ADGRL4: variants seen among roughly 807,000 people sequenced by gnomAD.
ADGRL4 encodes EGF, latrophilin and seven transmembrane domain containing 1.
Under a neutral mutation model 74.8 loss-of-function variants are expected in ADGRL4, and 90 were observed. That is an observed-to-expected ratio of 1.20 (90% CI 1.02 to 1.43). The LOEUF is 1.43. Among genes scored for constraint, ADGRL4 ranks in the 40% most tolerant of loss-of-function variants. The pLI, the probability that ADGRL4 is intolerant of heterozygous loss-of-function variation, is 0.00. For synonymous variants in ADGRL4, 311 were observed against 279.2 expected, an observed-to-expected ratio of 1.11 and a Z score of -1.14; for missense variants, 881 against 814.3, an observed-to-expected ratio of 1.08 and a Z score of -1.00.
chr1:78,950,301 A>C (rs1271553888), intron 2 of ADGRL4, among the ~76,000 whole-genome samples: 7 of 152,112 alleles, frequency 4.6e-5, no homozygotes, highest in Non-Finnish European at 1.0e-4. Flanking sequence ...CGTAATTTAG[A>C]GGAGGATTGT....
At position 79,001,283 on chromosome 1, in the gene ADGRL4, G is replaced by A. The variant is rs1195188033; in HGVS notation, c.172+3787C>T. Among the ~76,000 whole-genome samples, 3 of 151,628 alleles carry A rather than the reference G, an allele frequency of 2.0e-5. No individual in the cohort carries two copies. The East Asian group carries it at 5.8e-4, about 30-fold the overall frequency. On this transcript the variant is annotated intron_variant, in intron 2 of 14. Transcript: ENST00000370742. ...GAATGAATTATGAATGCTGGTCCGG[G>A]TACTACTCAACTCAATTGACTACTC...
intron 12 of ADGRL4, 142 bp from the exon 13 acceptor site, chr1:78,893,331 A>G: frequency 1.6e-6 from 1 of 623,144 alleles, no homozygotes; most frequent in Admixed American, 3.5e-5. Flanking sequence ...ATCACTGAAA[A>G]TTATCAGTAC....
intron 3 of ADGRL4, among the ~76,000 whole-genome samples, chr1:78,943,151 A>T (rs1434401487): frequency 6.6e-6 from 1 of 152,194 alleles, no homozygotes; most frequent in Non-Finnish European, 1.5e-5. Context: ...TTTCAAAGAC[A>T]AAATTTAATA....
intron 3 of ADGRL4, among the ~76,000 whole-genome samples, chr1:78,940,502 C>T (rs1330543832): frequency 1.3e-5 from 2 of 152,068 alleles, no homozygotes; most frequent in Non-Finnish European, 2.9e-5. Flanking sequence ...TTACTTACTA[C>T]AGTGAAATAT....
intron 2 of ADGRL4, among the ~76,000 whole-genome samples, chr1:78,967,957 C>T (rs573590113): frequency 6.1e-4 from 93 of 151,922 alleles, no homozygotes; most frequent in African/African-American, 2.1e-3. Context: ...TTTCTTGACA[C>T]CTGGCTTTTC....
At chr1:78,932,745 A>T (rs1037608302) in intron 7 of ADGRL4, among the ~76,000 whole-genome samples, 3 of 151,400 alleles carry the variant, frequency 2.0e-5, no homozygotes, top group African/African-American at 2.5e-5. Context: ...GGGGGATATC[A>T]CCACTGACCC....
chr1:78,936,016 C>G (rs1324909199), intron 7 of ADGRL4, among the ~76,000 whole-genome samples: 1 of 73,926 alleles, frequency 1.4e-5, no homozygotes, highest in Admixed American at 1.6e-4. Context: ...CCCAGCTACT[C>G]GGGAGGCTGA....
chr1:78,963,439 G>A (rs12047963), intron 2 of ADGRL4, among the ~76,000 whole-genome samples: 1 of 151,990 alleles, frequency 6.6e-6, no homozygotes, highest in Non-Finnish European at 1.5e-5. Flanking sequence ...GTATTCTCAC[G>A]CCCAGTATGC....
intron 10 of ADGRL4, among the ~76,000 whole-genome samples, chr1:78,919,703 T>C (rs945523073): frequency 5.3e-5 from 8 of 151,904 alleles, no homozygotes; most frequent in African/African-American, 1.9e-4. Flanking sequence ...CAATACAATA[T>C]GAAACCTTTT....
At chr1:78,891,336 T>C in intron 14 of ADGRL4, 120 bp from the exon 15 acceptor site, 1 of 1,253,366 alleles carries the variant, frequency 8.0e-7, no homozygotes, top group Non-Finnish European at 1.1e-6. Context: ...TCAGAATATG[T>C]CCATTTAAGT....
At chr1:78,916,966 C>A (rs1648885077) in intron 12 of ADGRL4, among the ~76,000 whole-genome samples, 1 of 151,760 alleles carries the variant, frequency 6.6e-6, no homozygotes, top group Non-Finnish European at 1.5e-5. Flanking sequence ...ATAATGCCTG[C>A]CAAATTTGTA....
At position 78,941,207 on chromosome 1, in the gene ADGRL4, C is replaced by T. The variant is rs557134394; in HGVS notation, c.326-1949G>A. On this transcript the variant is annotated intron_variant, in intron 3 of 14. Transcript: ENST00000370742. The stretch of plus-strand genomic sequence containing the variant: ...ACAAGTGACCTTGGGATATGGAGAA[C>T]CATCAAGGAAAGCATTCTAGGCTGG... Among the ~76,000 whole-genome samples, 4 of 152,224 alleles carry T rather than the reference C, an allele frequency of 2.6e-5. No individual in the cohort carries two copies. The East Asian group carries it at 7.7e-4, about 29-fold the overall frequency.
At chr1:78,915,736 A>C (rs1025654779) in intron 12 of ADGRL4, among the ~76,000 whole-genome samples, 1 of 151,850 alleles carries the variant, frequency 6.6e-6, no homozygotes, top group Non-Finnish European at 1.5e-5. Flanking sequence ...TTATCTTTGA[A>C]CTAGCTACTA....
intron 2 of ADGRL4, among the ~76,000 whole-genome samples, chr1:78,979,207 A>G (rs1027249979): frequency 6.6e-6 from 1 of 151,974 alleles, no homozygotes; most frequent in African/African-American, 2.4e-5. Flanking sequence ...TATTCCTAAA[A>G]TGAAAATGTC....
At chr1:78,929,708 T>A (rs116364505) in intron 7 of ADGRL4, among the ~76,000 whole-genome samples, 2,024 of 151,628 alleles carry the variant, frequency 0.013, 131 homozygotes, top group African/African-American at 0.047. Flanking sequence ...GATACAACCT[T>A]GAGAAAAACA....
intron 2 of ADGRL4, among the ~76,000 whole-genome samples, chr1:78,974,583 G>A (rs929825267): frequency 6.6e-6 from 1 of 152,130 alleles, no homozygotes; most frequent in Non-Finnish European, 1.5e-5. Flanking sequence ...TTATCATACA[G>A]ATTTAGACGT....
intron 2 of ADGRL4, among the ~76,000 whole-genome samples, chr1:78,983,715 T>A: frequency 6.6e-6 from 1 of 151,772 alleles, no homozygotes; most frequent in East Asian, 1.9e-4. Flanking sequence ...TGTTCAAATT[T>A]GGGGAATACA....
intron 9 of ADGRL4, 149 bp downstream of exon 9, chr1:78,921,464 G>C (rs1648997483): frequency 2.4e-6 from 1 of 422,938 alleles, no homozygotes; most frequent in East Asian, 3.6e-5. Context: ...CAGACAGAAA[G>C]AAAGATCCTG....
chr1:78,982,696 A>G (rs1007236874), intron 2 of ADGRL4, among the ~76,000 whole-genome samples: 2 of 151,890 alleles, frequency 1.3e-5, no homozygotes, highest in African/African-American at 4.8e-5. Context: ...AAATAAATGT[A>G]CTCTTAGAAG....
Sources: allele counts gnomAD v4.1 joint callset (sites outside exome capture counted in the v4.1 genomes callset), GRCh38; gene constraint gnomAD v4.1.1; transcripts MANE v1.5; gene names NCBI Gene and HGNC (gene_info 2026-07-23, HGNC 2026-07-21).